The following TSPOAP1 variants were observed in gnomAD, a reference collection of about 807,000 sequenced individuals.
TSPOAP1 encodes TSPO associated protein 1.
In TSPOAP1, 87 loss-of-function variants were observed where a neutral mutation model predicts 197.0. That is an observed-to-expected ratio of 0.44 (90% confidence interval 0.37 to 0.53). The LOEUF (loss-of-function observed/expected upper bound fraction) is 0.53. Among genes scored for constraint, TSPOAP1 ranks in the 20% least tolerant of loss-of-function variants. The pLI is 0.00. For synonymous variants in TSPOAP1, 913 were observed against 998.9 expected, an observed-to-expected ratio of 0.91 and a Z score of 1.62; for missense variants, 2,174 against 2,411.3, an observed-to-expected ratio of 0.90 and a Z score of 2.06.
chr17:58,302,431 G>A lies in TSPOAP1; in HGVS notation c.*49C>T. 1 of 1,270,438 alleles carries A rather than the reference G, an allele frequency of 7.9e-7. No homozygotes were observed. The highest frequency in any genetic ancestry group is 1.3e-5 in the South Asian group (1 of 78,276). The allele number at this position is 1,270,438 out of a possible 1,614,324, so 78.7% of individuals were successfully genotyped here. A position where few individuals can be genotyped will look rare whatever the true frequency, so the allele number is the denominator to read the frequency against. On this transcript the variant is annotated 3_prime_UTR_variant, in exon 32 of 32. Coordinates refer to ENST00000343736, the MANE Select transcript of TSPOAP1 (RefSeq NM_004758.4). ...ACCTGGGGGCCCTGGGGACCCTTGT[G>A]TGGTGCAGCCCCAGTCCTGAAATGT...
chr17:58,315,919 G>A (rs1471506341), intron 16 of TSPOAP1, 104 bp downstream of exon 16: 7 of 850,874 alleles, frequency 8.2e-6, no homozygotes, highest in Non-Finnish European at 1.4e-5. Flanking sequence ...ATGGATGGAT[G>A]GATGGATGGA....
rs921152100 is a variant in TSPOAP1, at chr17:58,306,684, A to C, written c.5152+116T>G. On this transcript the variant is annotated intron_variant, in intron 25 of 31. Coordinates refer to ENST00000343736, the MANE Select transcript of TSPOAP1 (RefSeq NM_004758.4). ...GCAGCAGGGTTCAAGGCAGGCTCCA[A>C]GGCTCTGCTAGAGTCTGGGTAAGTG... 42 of 1,320,568 alleles carry C rather than the reference A, an allele frequency of 3.2e-5. No homozygotes were observed. The African/African-American group carries it at 5.3e-4, about 17-fold the overall frequency. 81.8% of individuals were successfully genotyped at this position (1,320,568 alleles called of 1,614,324 possible). A position where few individuals can be genotyped will look rare whatever the true frequency, so the allele number is the denominator to read the frequency against.
chr17:58,308,897 T>A lies in TSPOAP1; in HGVS notation c.4375A>T (p.Arg1459Trp), dbSNP rs1026485517. 1.3e-6 allele frequency: 2 copies of A among 1,598,090 alleles called. No homozygotes were observed. Among genetic ancestry groups the A allele is most frequent in the African/African-American group, 1.3e-5 (1 of 74,372 alleles). The change falls in exon 22 of 32, where the codon AGG (arginine) becomes TGG (tryptophan). Residue 1459 changes from arginine (R) to tryptophan (W), a missense_variant. By Grantham distance (101) the Arg-to-Trp change is moderately radical (BLOSUM62 -3). Around this residue, in one of 5 missense-constraint regions of TSPOAP1, gnomAD observed 1,933 missense variants for 2,139.0 expected, o/e 0.90. Transcript: ENST00000343736. ...CTCCCGCTAGCCTCTAGTCCAGTCC[T>A]GGGGCCCTCAATTACGGGGAGGCCA... Reference protein sequence around the residue: ...RGGLPVIEGPRTGLEASGRGR... With the variant: ...RGGLPVIEGPWTGLEASGRGR...
At chr17:58,311,521 G>T (rs745441767) in intron 18 of TSPOAP1, 50 bp downstream of exon 18, 4 of 1,519,900 alleles carry the variant, frequency 2.6e-6, no homozygotes. Flanking sequence ...TCTGAGCATA[G>T]CAAGAAGGGA....
At chr17:58,307,058 A>C in intron 24 of TSPOAP1, 90 bp from the exon 25 acceptor site, 3 of 1,368,372 alleles carry the variant, frequency 2.2e-6, no homozygotes. Flanking sequence ...TTGGAAATGC[A>C]GAAGAATGTT....
chr17:58,320,873 C>G (rs182293657), intron 10 of TSPOAP1, among the ~76,000 whole-genome samples: 12 of 152,236 alleles, frequency 7.9e-5, no homozygotes, highest in Admixed American at 6.5e-4. Flanking sequence ...CCAGTTTCCC[C>G]CCTACCTCTC....
chr17:58,316,199 T>C (rs1025417838), intron 15 of TSPOAP1, 67 bp from the exon 16 acceptor site: 28 of 1,324,634 alleles, frequency 2.1e-5, no homozygotes, highest in Middle Eastern at 4.4e-4. Flanking sequence ...TCCTGTCTTC[T>C]CTCTCCCACT....
Position 58,308,877 on chromosome 17 carries a change from G to T in TSPOAP1, c.4395C>A (p.Ser1465Arg). ...IEGPRTGLEA[S>R]GRGRLGPSRR... ...GGGAAGGGCCCAGCCGGCCTCTCCC[G>T]CTAGCCTCTAGTCCAGTCCTGGGGC... The change falls in exon 22 of 32, where the codon AGC becomes AGA. Residue 1465 changes from serine (S) to arginine (R), a missense_variant. Physicochemically the swap from Ser to Arg is moderately radical, Grantham distance 110. Coordinates refer to ENST00000343736, the MANE Select transcript of TSPOAP1 (RefSeq NM_004758.4). 1 of 1,604,034 alleles carries T rather than the reference G, an allele frequency of 6.2e-7. No individual in the cohort carries two copies. Among genetic ancestry groups the T allele is most frequent in the Non-Finnish European group, 8.5e-7 (1 of 1,174,364 alleles).
At chr17:58,311,391 G>A in intron 18 of TSPOAP1, 178 bp from the exon 19 acceptor site, 1 of 1,238,454 alleles carries the variant, frequency 8.1e-7, no homozygotes, top group Non-Finnish European at 1.1e-6. Flanking sequence ...TGGCTTCAGT[G>A]ATGGAACAGT....
rs560410884 is a variant in TSPOAP1, at chr17:58,325,419, C to A, written c.750+115G>T. On this transcript the variant is annotated intron_variant, in intron 4 of 31. Coordinates refer to ENST00000343736, the MANE Select transcript of TSPOAP1 (RefSeq NM_004758.4). ...CGTTGCCAGGGGAACCTACTCCCAG[C>A]AACCTCCACCCTCCCTTTCATTTGC... The A allele has an allele frequency of 7.1e-4, 1,000 of 1,398,752 alleles. 11 individuals are homozygous for A. In the South Asian group the frequency reaches 0.011, roughly 16 times the overall value. The allele number at this position is 1,398,752 out of a possible 1,614,324, so 86.6% of individuals were successfully genotyped here.
At chr17:58,310,458 A>T in intron 20 of TSPOAP1, 54 bp downstream of exon 20, 1 of 1,595,292 alleles carries the variant, frequency 6.3e-7, no homozygotes, top group Non-Finnish European at 8.6e-7. Context: ...GGCAAAAGGT[A>T]GGGAGACAGG....
intron 13 of TSPOAP1, 150 bp downstream of exon 13, chr17:58,318,940 C>T (rs1971319467): frequency 1.1e-6 from 1 of 919,330 alleles, no homozygotes; most frequent in Non-Finnish European, 1.6e-6. Flanking sequence ...TTTATTTTTC[C>T]CCAACAGAAC....
chr17:58,309,110 T>C lies in TSPOAP1; in HGVS notation c.4162A>G (p.Arg1388Gly). 1 of 1,613,766 alleles carries C rather than the reference T, an allele frequency of 6.2e-7. No individual in the cohort carries two copies. The highest frequency in any genetic ancestry group is 1.3e-5 in the African/African-American group (1 of 75,036). ...GQCPLSPESS[R>G]AGDCLEDMPG... Reference sequence around the variant, plus strand: ...ATGTCTTCCAGGCAGTCTCCAGCCCTGGAGGACTCAGGAGACAAGGGACAC... The same window carrying C: ...ATGTCTTCCAGGCAGTCTCCAGCCCCGGAGGACTCAGGAGACAAGGGACAC... Residue 1388 changes from arginine (R) to glycine (G), a missense_variant, in exon 22 of 32, where the codon AGG becomes GGG. Physicochemically the swap from Arg to Gly is moderately radical, Grantham distance 125. Around this residue, in one of 5 missense-constraint regions of TSPOAP1, gnomAD observed 1,933 missense variants for 2,139.0 expected, o/e 0.90. Coordinates refer to ENST00000343736, the MANE Select transcript of TSPOAP1 (RefSeq NM_004758.4). This position sits in a 1 kb window ranked among gnomAD's most constrained non-coding sequence, Gnocchi z 5.0.
rs9905604 is a variant in TSPOAP1 at position 58,312,270 on chromosome 17, A to G, written c.2551T>C (p.Trp851Arg). 0.083 allele frequency: 133,705 copies of G among 1,612,616 alleles called. 6,296 individuals are homozygous for G. The highest frequency in any genetic ancestry group is 0.16 in the African/African-American group (11,881 of 75,024). Residue 851 changes from tryptophan (W) to arginine (R), a missense_variant, in exon 17 of 32, where the codon TGG (tryptophan) becomes CGG (arginine). Trp to Arg is a moderately radical substitution (Grantham distance 101). Coordinates refer to ENST00000343736, the MANE Select transcript of TSPOAP1 (RefSeq NM_004758.4). ...ACAGAAATGTGAAGGGGCCCGGCCC[A>G]CAGGTCCAGGTTCTCCAGCACGGCC... ...PKAVLENLDL[W>R]AGPLHISVQA... is the part of the protein sequence containing the mutation.
At chr17:58,327,559 C>T in intron 1 of TSPOAP1, 29 bp downstream of exon 1, 1 of 1,589,244 alleles carries the variant, frequency 6.3e-7, no homozygotes, top group African/African-American at 1.3e-5. Context: ...CCCCACCTTG[C>T]AGACCCCAGC....
Position 58,308,908 on chromosome 17 carries a change from A to G in TSPOAP1, c.4364T>C (p.Ile1455Thr). The change falls in exon 22 of 32, where the codon ATT becomes ACT. Residue 1455 changes from isoleucine to threonine, a missense_variant. Physicochemically the swap from Ile to Thr is moderately conservative, Grantham distance 89. Coordinates refer to ENST00000343736, the MANE Select transcript of TSPOAP1 (RefSeq NM_004758.4). ...CTCTAGTCCAGTCCTGGGGCCCTCA[A>G]TTACGGGGAGGCCACCCCTCTCCCG... ...PTRERGGLPVIEGPRTGLEAS... is the reference protein window; with the variant it reads ...PTRERGGLPVTEGPRTGLEAS... The G allele has an allele frequency of 1.9e-6, 3 of 1,596,272 alleles. No individual in the cohort carries two copies. The highest frequency in any genetic ancestry group is 1.7e-5 in the Admixed American group (1 of 57,932).
In TSPOAP1 at chr17:58,304,831, C is replaced by CT. The variant is rs1243698354; in HGVS notation, c.5544+229dup. 1.6e-6 allele frequency: 1 copy of CT among 644,742 alleles called. No homozygotes were observed. The highest frequency in any genetic ancestry group is 1.8e-5 in the African/African-American group (1 of 56,282). The allele number at this position is 644,742 out of a possible 1,614,324, so 39.9% of individuals were successfully genotyped here. ...AGGTGTTGGCAGCTGGCGAGATGGC[C>CT]TGAGGGTCAGGGTCACAGCTATCAT... On this transcript the variant is annotated intron_variant, in intron 30 of 31. Coordinates refer to ENST00000343736, the MANE Select transcript of TSPOAP1 (RefSeq NM_004758.4). The surrounding 1 kb of genome is among the most constrained non-coding windows in gnomAD (Gnocchi z 4.2).
In TSPOAP1 at chr17:58,309,493, C is replaced by G; in HGVS notation, c.3892-113G>C. 1 of 1,385,910 alleles carries G rather than the reference C, an allele frequency of 7.2e-7. No homozygotes were observed. 85.9% of individuals were successfully genotyped at this position (1,385,910 alleles called of 1,614,324 possible). A position where few individuals can be genotyped will look rare whatever the true frequency, so the allele number is the denominator to read the frequency against. On this transcript the variant is annotated intron_variant, in intron 21 of 31. Transcript: ENST00000343736. This position sits in a 1 kb window ranked among gnomAD's most constrained non-coding sequence, Gnocchi z 5.0. Reference sequence around the variant, plus strand: ...AAACGAAGGCAGGGGTTACGGACAACCCCACAGCCCTCCCACGGCTTCCTC... The same window carrying G: ...AAACGAAGGCAGGGGTTACGGACAAGCCCACAGCCCTCCCACGGCTTCCTC...
Position 58,305,820 on chromosome 17 carries a change from GATATTC to G in TSPOAP1, c.5257+7_5257+12del. 6.2e-7 allele frequency: 1 copy of G among 1,612,934 alleles called. No homozygotes were observed. Among genetic ancestry groups the G allele is most frequent in the Admixed American group, 1.7e-5 (1 of 59,974 alleles). ...CCTTCCCCAGCCTCCCGGGCCCAGG[GATATTC>G]CTTCACCTGGACAGGGCTGGGCAGG... On this transcript the variant is annotated splice_region_variant and intron_variant, in intron 27 of 31. Coordinates refer to ENST00000343736, the MANE Select transcript of TSPOAP1 (RefSeq NM_004758.4).
Sources: allele counts gnomAD v4.1 joint callset (sites outside exome capture counted in the v4.1 genomes callset), GRCh38; gene constraint gnomAD v4.1.1; regional missense constraint gnomAD v4.1.1; non-coding constraint Gnocchi (gnomAD v3.1); transcripts MANE v1.5; gene names NCBI Gene and HGNC (gene_info 2026-07-23, HGNC 2026-07-21).